ZFP42: variants seen among roughly 807,000 people sequenced by gnomAD.
The protein encoded by ZFP42 is zinc finger protein 42 homolog.
For missense variants in ZFP42, 438 were observed against 377.1 expected (o/e 1.16, Z -1.34); for synonymous variants, 175 against 144.6 (o/e 1.21, Z -1.51).
In ZFP42 at chr4:188,003,569, G is replaced by A; in HGVS notation, c.762G>A (p.Lys254=). The A allele has an allele frequency of 1.9e-6, 3 of 1,613,614 alleles. No individual in the cohort carries two copies. The highest frequency in any genetic ancestry group is 2.5e-6 in the Non-Finnish European group (3 of 1,180,050). ...PFRCTFEGCG[K]RFSLDFNLRT... ...GGTGCACTTTTGAAGGGTGCGGAAA[G>A]CGCTTCTCTCTGGACTTTAATTTGC... The change falls in exon 4 of 4, where the codon AAG becomes AAA. Residue 254 remains lysine, a synonymous_variant. Coordinates refer to ENST00000326866, the MANE Select transcript of ZFP42 (RefSeq NM_174900.5).
At chr4:187,996,208 A>C (rs951432937) in intron 1 of ZFP42, among the ~76,000 whole-genome samples, 4 of 152,220 alleles carry the variant, frequency 2.6e-5, no homozygotes, top group African/African-American at 7.2e-5. Flanking sequence ...CATTGTGATC[A>C]AGACACCAGT....
At chr4:188,001,845 C>T (rs1449459054) in intron 3 of ZFP42, among the ~76,000 whole-genome samples, 2 of 152,216 alleles carry the variant, frequency 1.3e-5, no homozygotes, top group African/African-American at 4.8e-5. Context: ...AAGCACTTTG[C>T]ATGCGTTATT....
At chr4:187,998,873 C>T (rs992684954) in intron 1 of ZFP42, among the ~76,000 whole-genome samples, 2 of 152,152 alleles carry the variant, frequency 1.3e-5, no homozygotes, top group African/African-American at 2.4e-5. Flanking sequence ...TTTCTGCTAA[C>T]AGAAATTGGC....
rs781591825 is a variant in ZFP42, at chr4:188,003,599, G to T, written c.792G>T (p.Thr264=). Residue 264 remains threonine (T), a synonymous_variant, in exon 4 of 4, where the codon ACG becomes ACT. Coordinates refer to ENST00000326866, the MANE Select transcript of ZFP42 (RefSeq NM_174900.5). ...KRFSLDFNLR[T]HVRIHTGEKR... Reference sequence around the variant, plus strand: ...TCTCTCTGGACTTTAATTTGCGTACGCACGTGCGCATCCACACGGGGGAGA... The same window carrying T: ...TCTCTCTGGACTTTAATTTGCGTACTCACGTGCGCATCCACACGGGGGAGA... 1.6e-5 allele frequency: 26 copies of T among 1,613,298 alleles called. No homozygotes were observed. The highest frequency in any genetic ancestry group is 2.1e-5 in the Non-Finnish European group (25 of 1,180,036).
At chr4:187,996,339 T>C (rs1158708158) in intron 1 of ZFP42, among the ~76,000 whole-genome samples, 3 of 151,974 alleles carry the variant, frequency 2.0e-5, no homozygotes, top group African/African-American at 7.2e-5. Context: ...TTGGAGACAG[T>C]CTCGCTCTGT....
rs1449820445 is a variant in ZFP42, at chr4:188,003,594, C to A, written c.787C>A (p.Arg263Ser). 6.2e-7 allele frequency: 1 copy of A among 1,613,348 alleles called. No homozygotes were observed. Among genetic ancestry groups the A allele is most frequent in the Non-Finnish European group, 8.5e-7 (1 of 1,180,030 alleles). ...GCGCTTCTCTCTGGACTTTAATTTG[C>A]GTACGCACGTGCGCATCCACACGGG... Reference protein sequence around the residue: ...GKRFSLDFNLRTHVRIHTGEK... With the variant: ...GKRFSLDFNLSTHVRIHTGEK... The change falls in exon 4 of 4, where the codon CGT becomes AGT. Residue 263 changes from arginine to serine, a missense_variant. Transcript: ENST00000326866.
intron 1 of ZFP42, among the ~76,000 whole-genome samples, chr4:187,998,663 T>C (rs1733698037): frequency 6.6e-6 from 1 of 152,206 alleles, no homozygotes. Flanking sequence ...TACAGTTGCC[T>C]ACAGTACTCA....
At chr4:188,001,400 G>A (rs1733816184) in intron 3 of ZFP42, among the ~76,000 whole-genome samples, 1 of 152,132 alleles carries the variant, frequency 6.6e-6, no homozygotes, top group South Asian at 2.1e-4. Context: ...AAATGTTTAA[G>A]GAAATGATAG....
In ZFP42 at chr4:188,002,713, G is replaced by T. The variant is rs1213808039; in HGVS notation, c.-95G>T. On this transcript the variant is annotated splice_region_variant and 5_prime_UTR_variant, in exon 4 of 4. Coordinates refer to ENST00000326866, the MANE Select transcript of ZFP42 (RefSeq NM_174900.5). Reference sequence around the variant, plus strand: ...ACTAAAGGTTATTATCATAAAGCAGGTGTTTGCTGAAGACAGCTTACTCAG... The same window carrying T: ...ACTAAAGGTTATTATCATAAAGCAGTTGTTTGCTGAAGACAGCTTACTCAG... The T allele has an allele frequency of 2.1e-6, 2 of 974,800 alleles. No homozygotes were observed. Among genetic ancestry groups the T allele is most frequent in the Non-Finnish European group, 3.1e-6 (2 of 638,212 alleles). The allele number at this position is 974,800 out of a possible 1,614,324, so 60.4% of individuals were successfully genotyped here.
In ZFP42 at chr4:188,002,944, T is replaced by G; in HGVS notation, c.137T>G (p.Val46Gly). The change falls in exon 4 of 4, where the codon GTG (valine) becomes GGG (glycine). Residue 46 changes from valine (V) to glycine (G), a missense_variant. Coordinates refer to ENST00000326866, the MANE Select transcript of ZFP42 (RefSeq NM_174900.5). ...LQAEIEPVSA[V>G]WALCDGYVCY... ...GCGGAAATAGAACCTGTCAGCGCGG[T>G]GTGGGCCTTATGTGATGGCTATGTG... 1 of 1,614,054 alleles carries G rather than the reference T, an allele frequency of 6.2e-7. No individual in the cohort carries two copies. Among genetic ancestry groups the G allele is most frequent in the Non-Finnish European group, 8.5e-7 (1 of 1,180,014 alleles).
At position 188,002,983 on chromosome 4, in the gene ZFP42, G is replaced by A. The variant is rs989674813; in HGVS notation, c.176G>A (p.Gly59Asp). The A allele has an allele frequency of 2.5e-6, 4 of 1,614,154 alleles. No individual in the cohort carries two copies. The highest frequency in any genetic ancestry group is 3.4e-6 in the Non-Finnish European group (4 of 1,180,028). ...LCDGYVCYEPGPQALGGDDFS... is the reference protein window; with the variant it reads ...LCDGYVCYEPDPQALGGDDFS... ...GATGGCTATGTGTGCTATGAGCCTGGCCCTCAGGCTCTCGGAGGGGATGAT... is the reference window on the plus strand; with the variant it reads ...GATGGCTATGTGTGCTATGAGCCTGACCCTCAGGCTCTCGGAGGGGATGAT... The change falls in exon 4 of 4, where the codon GGC becomes GAC. Residue 59 changes from glycine (G) to aspartate (D), a missense_variant. Coordinates refer to ENST00000326866, the MANE Select transcript of ZFP42 (RefSeq NM_174900.5).
chr4:187,999,496 A>T (rs1565657), intron 2 of ZFP42, 113 bp from the exon 3 acceptor site: 1 of 152,040 alleles, frequency 6.6e-6, no homozygotes, highest in Non-Finnish European at 1.5e-5. Context: ...AAACTTCTAC[A>T]TTAAATTGTC....
intron 1 of ZFP42, among the ~76,000 whole-genome samples, chr4:187,997,961 T>C (rs1733665290): frequency 2.6e-5 from 4 of 152,210 alleles, no homozygotes; most frequent in Admixed American, 2.0e-4. Flanking sequence ...AAAATATTTT[T>C]GTACAGGTGA....
chr4:187,999,731 GA>G (rs1439502449), intron 3 of ZFP42, 46 bp downstream of exon 3: 2 of 152,276 alleles, frequency 1.3e-5, no homozygotes, highest in African/African-American at 4.8e-5. Flanking sequence ...TGATCAGTGT[GA>G]AATAGGGAGC....
chr4:188,003,531 G>T lies in ZFP42; in HGVS notation c.724G>T (p.Glu242Ter), dbSNP rs768940631. The T allele has an allele frequency of 3.1e-6, 5 of 1,613,598 alleles. No individual in the cohort carries two copies. The South Asian group carries it at 4.4e-5, about 14-fold the overall frequency. ...LKRHFLVHTGEKPFRCTFEGC... is the reference protein window; with the variant it reads ...LKRHFLVHTG Reference sequence around the variant, plus strand: ...GAGACATTTCCTGGTTCATACTGGAGAGAAGCCGTTTCGGTGCACTTTTGA... The same window carrying T: ...GAGACATTTCCTGGTTCATACTGGATAGAAGCCGTTTCGGTGCACTTTTGA... Residue 242 changes from glutamate to a stop codon, truncating the protein, a stop_gained, in exon 4 of 4, where the codon GAG (glutamate) becomes TAG (stop). Transcript: ENST00000326866. LOFTEE classifies it low-confidence loss of function (END_TRUNC).
At chr4:188,002,447 CTG>C (rs1733862450) in intron 3 of ZFP42, among the ~76,000 whole-genome samples, 1 of 152,198 alleles carries the variant, frequency 6.6e-6, no homozygotes, top group African/African-American at 2.4e-5. Flanking sequence ...GGATCACAAA[CTG>C]TGTAGCCTAA....
At chr4:187,998,111 C>T (rs947205614) in intron 1 of ZFP42, among the ~76,000 whole-genome samples, 20 of 152,220 alleles carry the variant, frequency 1.3e-4, no homozygotes, top group Middle Eastern at 3.4e-3. Flanking sequence ...CTGAGGCAGG[C>T]GGATCGCCTG....
chr4:187,998,445 T>C (rs1268161809), intron 1 of ZFP42, among the ~76,000 whole-genome samples: 1 of 152,222 alleles, frequency 6.6e-6, no homozygotes, highest in Non-Finnish European at 1.5e-5. Flanking sequence ...TTTGCCTAAG[T>C]GTACAGTGCT....
chr4:188,003,561 T>A lies in ZFP42; in HGVS notation c.754T>A (p.Cys252Ser). The A allele has an allele frequency of 6.2e-7, 1 of 1,613,610 alleles. No individual in the cohort carries two copies. Among genetic ancestry groups the A allele is most frequent in the Non-Finnish European group, 8.5e-7 (1 of 1,180,042 alleles). The stretch of plus-strand genomic sequence containing the variant: ...GCCGTTTCGGTGCACTTTTGAAGGG[T>A]GCGGAAAGCGCTTCTCTCTGGACTT... ...EKPFRCTFEG[C>S]GKRFSLDFNL... Residue 252 changes from cysteine (C) to serine (S), a missense_variant, in exon 4 of 4, where the codon TGC becomes AGC. Coordinates refer to ENST00000326866, the MANE Select transcript of ZFP42 (RefSeq NM_174900.5).
Sources: gnomAD v4.1 joint callset for allele counts (sites outside exome capture counted in the v4.1 genomes callset) on GRCh38, gnomAD v4.1.1 for gene constraint, MANE v1.5 for transcripts, NCBI Gene and HGNC (gene_info 2026-07-23, HGNC 2026-07-21) for gene names.